The following PTPRD variants were observed in gnomAD, a reference collection of about 807,000 sequenced individuals.
PTPRD encodes receptor-type tyrosine-protein phosphatase delta.
A neutral mutation model predicts 214.5 loss-of-function variants in PTPRD; 34 were observed. That is an observed-to-expected ratio of 0.16 (90% confidence interval 0.12 to 0.21). PTPRD has a LOEUF of 0.21. PTPRD is among the 10% of genes least tolerant of loss of function. The probability of loss-of-function intolerance (pLI) is 1.00; values close to 1 mark genes in which losing one functional copy is unlikely to be tolerated. For missense variants in PTPRD, 2,545 were observed against 2,398.7 expected (o/e 1.06, Z -1.27); for synonymous variants, 1,128 against 845.7 (o/e 1.33, Z -5.79).
intron 4 of PTPRD, among the ~76,000 whole-genome samples, chr9:9,998,108 AG>A (rs2096193829): frequency 8.9e-6 from 1 of 111,940 alleles, no homozygotes; most frequent in Non-Finnish European, 1.8e-5. Flanking sequence ...TAGAACTTAA[AG>A]TATAATAAAA....
intron 3 of PTPRD, among the ~76,000 whole-genome samples, chr9:10,141,059 C>G (rs1031499602): frequency 1.3e-5 from 2 of 152,048 alleles, no homozygotes; most frequent in African/African-American, 4.8e-5. Flanking sequence ...ACCCTTCATG[C>G]TAAAAATTCT....
chr9:9,173,197 T>G (rs564154706), intron 10 of PTPRD, among the ~76,000 whole-genome samples: 1 of 152,138 alleles, frequency 6.6e-6, no homozygotes, highest in African/African-American at 2.4e-5. Flanking sequence ...CTCCTTACTT[T>G]CTTCAGAGTT....
chr9:10,503,034 T>A (rs1049546670), intron 2 of PTPRD, among the ~76,000 whole-genome samples: 1 of 151,880 alleles, frequency 6.6e-6, no homozygotes, highest in African/African-American at 2.4e-5. Context: ...TAATCCTTGT[T>A]TTCCTTTAGA....
At chr9:9,605,554 G>A (rs1189129116) in intron 7 of PTPRD, among the ~76,000 whole-genome samples, 1 of 152,008 alleles carries the variant, frequency 6.6e-6, no homozygotes, top group Non-Finnish European at 1.5e-5. Context: ...GTTTGCTAAT[G>A]ATTTAGACTT....
chr9:10,242,056 G>C (rs192589536), intron 3 of PTPRD, among the ~76,000 whole-genome samples: 9 of 152,016 alleles, frequency 5.9e-5, no homozygotes, highest in Admixed American at 5.3e-4. Context: ...AGAGGAAAAA[G>C]GTGCCATGAA....
chr9:8,665,173 G>C (rs140611260), intron 12 of PTPRD, among the ~76,000 whole-genome samples: 6 of 152,282 alleles, frequency 3.9e-5, no homozygotes, highest in African/African-American at 1.4e-4. Flanking sequence ...TCAAAAGTAA[G>C]ATTTTGTTTA....
intron 9 of PTPRD, among the ~76,000 whole-genome samples, chr9:9,340,556 A>G (rs1708719494): frequency 6.6e-6 from 1 of 152,228 alleles, no homozygotes; most frequent in Admixed American, 6.5e-5. Context: ...CCCATGCAAT[A>G]TATTAATTAC....
At chr9:9,406,159 G>C (rs10122886) in intron 8 of PTPRD, among the ~76,000 whole-genome samples, 84 of 152,040 alleles carry the variant, frequency 5.5e-4, no homozygotes, top group African/African-American at 1.5e-3. Flanking sequence ...TACCTAAGAA[G>C]ACAAATGTTT....
intron 11 of PTPRD, 31 bp from the exon 12 acceptor site, chr9:8,733,977 G>A (rs1045733213): frequency 2.3e-6 from 2 of 871,336 alleles, no homozygotes; most frequent in South Asian, 1.5e-5. Context: ...AAAAGAAAAG[G>A]AAGAAAACAC....
intron 2 of PTPRD, among the ~76,000 whole-genome samples, chr9:10,556,377 T>G (rs1196909435): frequency 3.3e-5 from 5 of 152,004 alleles, no homozygotes; most frequent in Non-Finnish European, 7.4e-5. Context: ...TGGTTACAAA[T>G]GGGGGATATT....
chr9:9,304,648 G>T (rs1452681184), intron 9 of PTPRD, among the ~76,000 whole-genome samples: 1 of 150,908 alleles, frequency 6.6e-6, no homozygotes, highest in Non-Finnish European at 1.5e-5. Flanking sequence ...TTTCTCTAGA[G>T]GATTCAGTTT....
intron 3 of PTPRD, among the ~76,000 whole-genome samples, chr9:10,229,788 C>T (rs1489336996): frequency 1.3e-5 from 2 of 151,892 alleles, no homozygotes; most frequent in East Asian, 2.0e-4. Flanking sequence ...ACCAACATAG[C>T]ACACGTATAC....
chr9:9,523,017 C>T (rs2097026278), intron 8 of PTPRD, among the ~76,000 whole-genome samples: 1 of 152,078 alleles, frequency 6.6e-6, no homozygotes, highest in African/African-American at 2.4e-5. Flanking sequence ...CACTAATATT[C>T]ACTATTTTTA....
At chr9:10,217,032 A>G (rs1297393739) in intron 3 of PTPRD, among the ~76,000 whole-genome samples, 1 of 152,006 alleles carries the variant, frequency 6.6e-6, no homozygotes, top group Non-Finnish European at 1.5e-5. Flanking sequence ...CAATTAGGAC[A>G]ATAATGATTA....
chr9:8,524,380 G>A (rs1319693365), intron 18 of PTPRD, among the ~76,000 whole-genome samples: 1 of 152,138 alleles, frequency 6.6e-6, no homozygotes, highest in African/African-American at 2.4e-5. Context: ...ATAATACTAT[G>A]TGTTTATAAT....
At chr9:8,431,240 C>T (rs73422324) in intron 35 of PTPRD, among the ~76,000 whole-genome samples, 7,754 of 151,864 alleles carry the variant, frequency 0.051, 641 homozygotes, top group African/African-American at 0.18. Flanking sequence ...GGGGCCTGTA[C>T]GTAAATGAAA....
intron 3 of PTPRD, among the ~76,000 whole-genome samples, chr9:10,333,487 A>C (rs1219514531): frequency 1.3e-5 from 2 of 151,888 alleles, no homozygotes; most frequent in Admixed American, 1.3e-4. Flanking sequence ...ACACAGAAAC[A>C]GATACCCTCA....
At chr9:9,129,353 G>A (rs977842898) in intron 10 of PTPRD, among the ~76,000 whole-genome samples, 1 of 152,150 alleles carries the variant, frequency 6.6e-6, no homozygotes, top group African/African-American at 2.4e-5. Context: ...TTGTGCCACT[G>A]CACTCCAGCC....
chr9:9,685,735 A>G (rs997540927), intron 7 of PTPRD, among the ~76,000 whole-genome samples: 12 of 151,302 alleles, frequency 7.9e-5, no homozygotes, highest in Non-Finnish European at 1.3e-4. Flanking sequence ...AAAGTAAACC[A>G]GAATATTTTA....
Sources: gnomAD v4.1 joint callset for allele counts (sites outside exome capture counted in the v4.1 genomes callset) on GRCh38, gnomAD v4.1.1 for gene constraint, MANE v1.5 for transcripts, NCBI Gene and HGNC (gene_info 2026-07-23, HGNC 2026-07-21) for gene names.